Variants in FRMD4A observed in about 807,000 individuals in gnomAD.
FRMD4A encodes FERM domain-containing protein 4A.
A neutral mutation model predicts 129.1 loss-of-function variants in FRMD4A; 29 were observed. That is an observed-to-expected ratio of 0.22 (90% CI 0.17 to 0.31). FRMD4A has a LOEUF of 0.31. Ranked by LOEUF, FRMD4A falls within the 10% of genes least tolerant of loss-of-function variation. FRMD4A has a pLI of 1.00. For synonymous variants in FRMD4A, 634 were observed against 571.6 expected (o/e 1.11, Z -1.56); for missense variants, 1,272 against 1,375.8 (o/e 0.92, Z 1.19).
intron 12 of FRMD4A, among the ~76,000 whole-genome samples, chr10:13,721,709 A>C (rs761496536): frequency 3.3e-4 from 50 of 152,294 alleles, no homozygotes; most frequent in Middle Eastern, 3.4e-3. Flanking sequence ...GGGCAGCGGC[A>C]CCTCAGGGTG....
chr10:14,008,427 C>T (rs1319813855), intron 2 of FRMD4A: 16 of 1,014,884 alleles, frequency 1.6e-5, no homozygotes, highest in Non-Finnish European at 1.9e-5. Flanking sequence ...TCCATCTGTC[C>T]CTCTGCACAG....
At chr10:14,125,060 C>T (rs561683506) in intron 2 of FRMD4A, among the ~76,000 whole-genome samples, 4 of 152,188 alleles carry the variant, frequency 2.6e-5, no homozygotes, top group Admixed American at 6.5e-5. Context: ...CAAATGAGGT[C>T]GACGAAAGTA....
At position 13,997,628 on chromosome 10, in the gene FRMD4A, T is replaced by C. The variant is rs995445104; in HGVS notation, c.46-138716A>G. 4.8e-4 allele frequency among the ~76,000 whole-genome samples: 72 copies of C among 150,564 alleles called. 2 individuals carry two copies. The South Asian group carries it at 7.4e-3, about 15-fold the overall frequency. On this transcript the variant is annotated intron_variant, in intron 2 of 24. Coordinates refer to ENST00000357447, the MANE Select transcript of FRMD4A (RefSeq NM_018027.5). ...GCAATTCTTTTCTTTTCTTTTCTTTTTTTTTTTTTTTTGAGATAATATCTT... is the reference window on the plus strand; with the variant it reads ...GCAATTCTTTTCTTTTCTTTTCTTTCTTTTTTTTTTTTGAGATAATATCTT...
intron 3 of FRMD4A, among the ~76,000 whole-genome samples, chr10:13,857,694 C>A (rs558085833): frequency 6.6e-6 from 1 of 152,202 alleles, no homozygotes; most frequent in Non-Finnish European, 1.5e-5. Context: ...GGCATCCTCT[C>A]AACTCACTGA....
At chr10:14,230,405 T>C (rs1843598705) in intron 2 of FRMD4A, among the ~76,000 whole-genome samples, 1 of 152,226 alleles carries the variant, frequency 6.6e-6, no homozygotes, top group Non-Finnish European at 1.5e-5. Flanking sequence ...TTTGCCTGTT[T>C]TTGAAATAGG....
chr10:14,326,476 C>T (rs1322926055), intron 2 of FRMD4A: 1 of 165,770 alleles, frequency 6.0e-6, no homozygotes, highest in African/African-American at 2.4e-5. Flanking sequence ...TTTTTTTGGT[C>T]TTAAAAATAG....
intron 2 of FRMD4A, among the ~76,000 whole-genome samples, chr10:14,323,905 T>C (rs1037725932): frequency 6.6e-6 from 1 of 152,166 alleles, no homozygotes; most frequent in Admixed American, 6.5e-5. Context: ...CAAGTAACCC[T>C]AGAGCTGCTG....
chr10:14,190,117 G>A (rs1423736934), intron 2 of FRMD4A, among the ~76,000 whole-genome samples: 2 of 152,124 alleles, frequency 1.3e-5, no homozygotes, highest in Non-Finnish European at 2.9e-5. Flanking sequence ...CTAAGAAAAC[G>A]GTTTTGGTTA....
chr10:14,218,524 C>T (rs746611011), intron 2 of FRMD4A, among the ~76,000 whole-genome samples: 16 of 152,110 alleles, frequency 1.1e-4, no homozygotes, highest in Non-Finnish European at 1.9e-4. Context: ...TCATGTGATT[C>T]GCTTACATTG....
At chr10:13,770,502 G>T (rs2092426209) in intron 6 of FRMD4A, among the ~76,000 whole-genome samples, 1 of 152,054 alleles carries the variant, frequency 6.6e-6, no homozygotes, top group African/African-American at 2.4e-5. Context: ...GGAGTGCAGT[G>T]GCACCATCAT....
chr10:14,148,485 C>T (rs371135965), intron 2 of FRMD4A, among the ~76,000 whole-genome samples: 1 of 152,122 alleles, frequency 6.6e-6, no homozygotes, highest in African/African-American at 2.4e-5. Context: ...TGAGAATGGC[C>T]GGGTGCGCTG....
intron 2 of FRMD4A, among the ~76,000 whole-genome samples, chr10:14,163,472 C>T (rs1179791950): frequency 1.3e-5 from 2 of 152,238 alleles, no homozygotes; most frequent in Non-Finnish European, 2.9e-5. Flanking sequence ...CTTCTAGCTT[C>T]CGGAGAGCTT....
At chr10:13,848,533 C>T (rs1449559808) in intron 3 of FRMD4A, among the ~76,000 whole-genome samples, 2 of 151,924 alleles carry the variant, frequency 1.3e-5, no homozygotes, top group African/African-American at 4.8e-5. Flanking sequence ...GCAGCGTGGA[C>T]CCATTAGGCT....
intron 2 of FRMD4A, among the ~76,000 whole-genome samples, chr10:13,991,530 T>TG (rs1342847463): frequency 1.3e-5 from 2 of 152,128 alleles, no homozygotes; most frequent in African/African-American, 4.8e-5. Flanking sequence ...TGGAATGGAG[T>TG]GGCTCTGTTC....
intron 12 of FRMD4A, among the ~76,000 whole-genome samples, chr10:13,727,068 A>G (rs910811394): frequency 6.6e-6 from 1 of 151,476 alleles, no homozygotes; most frequent in Non-Finnish European, 1.5e-5. Flanking sequence ...ACACCCAGCT[A>G]ATTTTGTATT....
At chr10:13,764,040 A>G (rs537193942) in intron 6 of FRMD4A, among the ~76,000 whole-genome samples, 18 of 152,314 alleles carry the variant, frequency 1.2e-4, no homozygotes, top group Admixed American at 8.5e-4. Flanking sequence ...CGGCCAAAAC[A>G]GCTTTATTGA....
At chr10:13,795,037 A>T (rs2093084194) in intron 5 of FRMD4A, among the ~76,000 whole-genome samples, 1 of 152,188 alleles carries the variant, frequency 6.6e-6, no homozygotes, top group African/African-American at 2.4e-5. Flanking sequence ...CTTGGAAAAA[A>T]CACCTACTAG....
intron 2 of FRMD4A, among the ~76,000 whole-genome samples, chr10:14,202,158 C>T (rs1842656701): frequency 6.7e-6 from 1 of 149,976 alleles, no homozygotes; most frequent in South Asian, 2.1e-4. Context: ...AAAAAATTCA[C>T]GTGGAGAGCC....
At chr10:13,712,316 G>GCT (rs1046489178) in intron 12 of FRMD4A, among the ~76,000 whole-genome samples, 41 of 152,204 alleles carry the variant, frequency 2.7e-4, no homozygotes, top group African/African-American at 9.9e-4. Flanking sequence ...GAGGTCAGGA[G>GCT]CTCGAGACCA....
Sources: allele counts gnomAD v4.1 joint callset (sites outside exome capture counted in the v4.1 genomes callset), GRCh38; gene constraint gnomAD v4.1.1; transcripts MANE v1.5; gene names NCBI Gene and HGNC (gene_info 2026-07-23, HGNC 2026-07-21).